HMGA2: variants seen among roughly 807,000 people sequenced by gnomAD.
HMGA2 encodes the protein high mobility group AT-hook 2, also known as high mobility group protein HMGI-C.
A neutral mutation model predicts 19.1 loss-of-function variants in HMGA2; 8 were observed. The observed-to-expected ratio is 0.42, with a 90% CI of 0.25 to 0.76. The LOEUF (loss-of-function observed/expected upper bound fraction) is 0.76. Ranked by LOEUF, HMGA2 falls within the 30% of genes least tolerant of loss-of-function variation. The pLI is 0.28. For missense variants in HMGA2, 109 were observed against 136.3 expected (o/e 0.80, Z 1.00); for synonymous variants, 60 against 48.8 (o/e 1.23, Z -0.96).
intron 4 of HMGA2, chr12:65,956,164 G>GCATAATGAT (rs1876601193): frequency 6.6e-6 from 1 of 152,154 alleles, no homozygotes; most frequent in Non-Finnish European, 1.5e-5. Flanking sequence ...CACTCAAGGA[G>GCATAATGAT]CATAATGATT....
At chr12:65,828,290 A>G in intron 2 of HMGA2, 1 of 501,822 alleles carries the variant, frequency 2.0e-6, no homozygotes. Flanking sequence ...TTATGAAGAT[A>G]CTTAACAGTG....
chr12:65,863,768 C>T (rs886505843), intron 3 of HMGA2, among the ~76,000 whole-genome samples: 9 of 152,164 alleles, frequency 5.9e-5, no homozygotes, highest in African/African-American at 2.2e-4. Context: ...ACAGAAGTCG[C>T]AACCCTCACC....
In HMGA2 at chr12:65,963,475, A is replaced by ATTAATCAC; in HGVS notation, c.*184_*191dup. The ATTAATCAC allele has an allele frequency of 1.6e-6, 1 of 611,160 alleles. No individual in the cohort carries two copies. The highest frequency in any genetic ancestry group is 2.9e-6 in the Non-Finnish European group (1 of 345,168). The allele number at this position is 611,160 out of a possible 1,614,324, so 37.9% of individuals were successfully genotyped here. A position where few individuals can be genotyped will look rare whatever the true frequency, so the allele number is the denominator to read the frequency against. ...ATCACATAACCTTAAAAAGGACTAT[A>ATTAATCAC]TTAATCACCTTCTTTGTAATCCCTT... is the stretch of plus-strand genomic sequence containing the variant. On this transcript the variant is annotated 3_prime_UTR_variant, in exon 5 of 5. Transcript: ENST00000403681.
intron 3 of HMGA2, among the ~76,000 whole-genome samples, chr12:65,938,031 C>A (rs891871021): frequency 6.6e-6 from 1 of 152,176 alleles, no homozygotes; most frequent in African/African-American, 2.4e-5. Flanking sequence ...GTCCCATTCC[C>A]CTTGCAAAGC....
chr12:65,853,312 C>G (rs1416536185), intron 3 of HMGA2, among the ~76,000 whole-genome samples: 1 of 152,076 alleles, frequency 6.6e-6, no homozygotes, highest in Non-Finnish European at 1.5e-5. Context: ...ATATACTGTT[C>G]AAGTTTAAAT....
At chr12:65,826,694 T>G (rs1249471904) in intron 1 of HMGA2, 1 of 151,802 alleles carries the variant, frequency 6.6e-6, no homozygotes, top group East Asian at 1.9e-4. Flanking sequence ...ATTTGAATCC[T>G]GTTTTACACC....
At chr12:65,949,471 A>T (rs568550358) in intron 3 of HMGA2, among the ~76,000 whole-genome samples, 1 of 152,284 alleles carries the variant, frequency 6.6e-6, no homozygotes, top group East Asian at 1.9e-4. Context: ...TATCCACATC[A>T]GAGTACCTCA....
intron 3 of HMGA2, among the ~76,000 whole-genome samples, chr12:65,864,234 G>C (rs181683309): frequency 6.6e-6 from 1 of 152,188 alleles, no homozygotes; most frequent in East Asian, 1.9e-4. Context: ...AGGGCTCCAG[G>C]ATTCCTAATT....
intron 3 of HMGA2, among the ~76,000 whole-genome samples, chr12:65,940,849 G>T (rs951769663): frequency 6.6e-6 from 1 of 152,072 alleles, no homozygotes; most frequent in Non-Finnish European, 1.5e-5. Context: ...TTGTTGTAAG[G>T]GTTAAAATCA....
Position 65,940,661 on chromosome 12 carries a change from A to T in HMGA2, c.250-10722A>T, listed in dbSNP as rs573366445. On this transcript the variant is annotated intron_variant, in intron 3 of 4. Coordinates refer to ENST00000403681, the MANE Select transcript of HMGA2 (RefSeq NM_003483.6). Reference sequence around the variant, plus strand: ...AGAATATGCTGAATAATTGCCCAAAATACTTTTCTGGGGCAGTGTAGAATA... The same window carrying T: ...AGAATATGCTGAATAATTGCCCAAATTACTTTTCTGGGGCAGTGTAGAATA... Among the ~76,000 whole-genome samples the T allele has an allele frequency of 2.9e-4, 44 of 152,324 alleles. 1 individual carries two copies. Among genetic ancestry groups the T allele is most frequent in the East Asian group, 1.4e-3 (7 of 5,184 alleles).
At chr12:65,840,194 A>G (rs1306426480) in intron 3 of HMGA2, among the ~76,000 whole-genome samples, 1 of 152,324 alleles carries the variant, frequency 6.6e-6, no homozygotes, top group East Asian at 1.9e-4. Context: ...ATATGGTTCC[A>G]GTTATCGATT....
intron 3 of HMGA2, among the ~76,000 whole-genome samples, chr12:65,877,783 T>C (rs942033331): frequency 7.2e-5 from 11 of 151,972 alleles, no homozygotes; most frequent in Non-Finnish European, 1.5e-4. Flanking sequence ...CCTGGTTTTT[T>C]TTTTAGGCCT....
intron 3 of HMGA2, among the ~76,000 whole-genome samples, chr12:65,865,792 G>A (rs1440230471): frequency 4.0e-5 from 6 of 151,100 alleles, no homozygotes; most frequent in Non-Finnish European, 8.8e-5. Flanking sequence ...CTGCCACCAC[G>A]CCCGGCTAAT....
rs538207005 is a variant in HMGA2, at chr12:65,960,323, T to A, written c.283-2922T>A. On this transcript the variant is annotated intron_variant, in intron 4 of 4. Coordinates refer to ENST00000403681, the MANE Select transcript of HMGA2 (RefSeq NM_003483.6). ...CTCCATGTCACCTGTTTCTGTTCCC[T>A]CTTTGCACCACAGAAGCACCCTGTG... Among the ~76,000 whole-genome samples the A allele has an allele frequency of 5.9e-5, 9 of 152,362 alleles. No individual in the cohort carries two copies. In the South Asian group the frequency reaches 1.4e-3, roughly 25 times the overall value.
chr12:65,897,904 C>T (rs932364432), intron 3 of HMGA2, among the ~76,000 whole-genome samples: 11 of 149,972 alleles, frequency 7.3e-5, no homozygotes, highest in African/African-American at 2.0e-4. Context: ...GTGGAGGTTG[C>T]GGTGAGCTGA....
intron 3 of HMGA2, among the ~76,000 whole-genome samples, chr12:65,844,916 C>A (rs1332198134): frequency 6.6e-6 from 1 of 152,200 alleles, no homozygotes; most frequent in Non-Finnish European, 1.5e-5. Flanking sequence ...ATCATCAGAT[C>A]AATAGAGTCC....
At chr12:65,859,482 C>G (rs1272038861) in intron 3 of HMGA2, 1 of 152,148 alleles carries the variant, frequency 6.6e-6, no homozygotes, top group Non-Finnish European at 1.5e-5. Flanking sequence ...ATACATGTAG[C>G]CGAAAGCTCT....
At chr12:65,843,830 C>G (rs1871117882) in intron 3 of HMGA2, among the ~76,000 whole-genome samples, 1 of 152,142 alleles carries the variant, frequency 6.6e-6, no homozygotes, top group African/African-American at 2.4e-5. Flanking sequence ...GGGCAGATCA[C>G]TTGAGGCCAG....
intron 3 of HMGA2, among the ~76,000 whole-genome samples, chr12:65,938,512 T>A (rs1055822704): frequency 2.0e-5 from 3 of 152,190 alleles, no homozygotes; most frequent in Non-Finnish European, 4.4e-5. Context: ...ATTTAATATG[T>A]CTTTTAAAAT....
Sources: gnomAD v4.1 joint callset for allele counts (sites outside exome capture counted in the v4.1 genomes callset) on GRCh38, gnomAD v4.1.1 for gene constraint, MANE v1.5 for transcripts, NCBI Gene and HGNC (gene_info 2026-07-23, HGNC 2026-07-21) for gene names.